Variants in PALS2 observed in about 807,000 individuals in gnomAD.
PALS2 encodes the protein protein PALS2.
Under a neutral mutation model 61.6 loss-of-function variants are expected in PALS2, and 27 were observed. That is an observed-to-expected ratio of 0.44 (90% CI 0.32 to 0.60). PALS2 has a LOEUF of 0.60. Ranked by LOEUF, PALS2 falls within the 20% of genes least tolerant of loss-of-function variation. The pLI, the probability that PALS2 is intolerant of heterozygous loss-of-function variation, is 0.05. For missense variants in PALS2, 554 were observed against 639.4 expected, an observed-to-expected ratio of 0.87 and a Z score of 1.44; for synonymous variants, 236 against 218.6, an observed-to-expected ratio of 1.08 and a Z score of -0.70.
At chr7:24,648,982 T>C (rs1454291520) in intron 3 of PALS2, among the ~76,000 whole-genome samples, 3 of 150,980 alleles carry the variant, frequency 2.0e-5, no homozygotes, top group East Asian at 1.9e-4. Context: ...ATAGTAAGTA[T>C]AGGAGGTAAA....
rs544294181 is a variant in PALS2 at position 24,657,332 on chromosome 7, A to T, written c.652-6258A>T. Among the ~76,000 whole-genome samples the T allele has an allele frequency of 2.0e-5, 3 of 152,362 alleles. No individual in the cohort carries two copies. In the East Asian group the frequency reaches 5.8e-4, roughly 29 times the overall value. ...TATAACAACTTAAATTTCCACCAAC[A>T]TTATATGAAAGTTCCAATTACTCTA... On this transcript the variant is annotated intron_variant, in intron 5 of 11. Coordinates refer to ENST00000222644, the MANE Select transcript of PALS2 (RefSeq NM_001303037.2).
intron 3 of PALS2, among the ~76,000 whole-genome samples, chr7:24,643,003 G>A (rs1471123869): frequency 2.6e-5 from 4 of 152,070 alleles, no homozygotes; most frequent in Non-Finnish European, 5.9e-5. Context: ...ATGGCAGTAC[G>A]TATAGATAGA....
At chr7:24,581,134 G>A (rs1172272279) in intron 1 of PALS2, among the ~76,000 whole-genome samples, 1 of 152,136 alleles carries the variant, frequency 6.6e-6, no homozygotes, top group East Asian at 1.9e-4. Context: ...CTTACTTGTT[G>A]CCTTTTCCAG....
chr7:24,599,630 A>G (rs1363203593), intron 1 of PALS2, among the ~76,000 whole-genome samples: 1 of 148,484 alleles, frequency 6.7e-6, no homozygotes, highest in Non-Finnish European at 1.5e-5. Context: ...CCAGCCTCCC[A>G]AGTAGCTGGG....
intron 2 of PALS2, among the ~76,000 whole-genome samples, chr7:24,632,135 A>G (rs188201154): frequency 6.6e-6 from 1 of 152,208 alleles, no homozygotes; most frequent in South Asian, 2.1e-4. Flanking sequence ...CTTTTGTTAA[A>G]CACACATTCA....
intron 8 of PALS2, among the ~76,000 whole-genome samples, chr7:24,667,400 A>G (rs1054822333): frequency 2.8e-4 from 43 of 152,134 alleles, no homozygotes; most frequent in African/African-American, 9.7e-4. Flanking sequence ...AATCAAACTG[A>G]TAATTGTTGA....
At chr7:24,650,149 A>C (rs1194838942) in intron 4 of PALS2, among the ~76,000 whole-genome samples, 4 of 152,174 alleles carry the variant, frequency 2.6e-5, no homozygotes, top group Non-Finnish European at 4.4e-5. Context: ...GAAGTTTACT[A>C]TTCCTTGGTA....
intron 1 of PALS2, among the ~76,000 whole-genome samples, chr7:24,607,658 T>A (rs1783965595): frequency 1.3e-5 from 2 of 150,344 alleles, no homozygotes; most frequent in Non-Finnish European, 3.0e-5. Context: ...TGTATGCGTA[T>A]GTATACACAC....
In PALS2 at chr7:24,687,109, G is replaced by A. The variant is rs2128038081; in HGVS notation, c.1447-329G>A. The stretch of plus-strand genomic sequence containing the variant: ...CGAAAAGGATGATATAGTGGAGCTG[G>A]AAACCAGTCACCTGCAGTAATTGTT... On this transcript the variant is annotated intron_variant, in intron 11 of 11. Transcript: ENST00000222644. This position sits in a 1 kb window ranked among gnomAD's most constrained non-coding sequence, Gnocchi z 4.5. Among the ~76,000 whole-genome samples the A allele has an allele frequency of 6.6e-6, 1 of 152,274 alleles. No individual in the cohort carries two copies. The highest frequency in any genetic ancestry group is 2.4e-5 in the African/African-American group (1 of 41,550).
intron 1 of PALS2, among the ~76,000 whole-genome samples, chr7:24,591,682 T>C (rs1292291837): frequency 6.6e-6 from 1 of 152,140 alleles, no homozygotes; most frequent in Non-Finnish European, 1.5e-5. Context: ...GTGTTGCTTC[T>C]AGGGGAAATG....
intron 3 of PALS2, among the ~76,000 whole-genome samples, chr7:24,643,024 C>T (rs1052104242): frequency 2.2e-4 from 34 of 152,092 alleles, no homozygotes; most frequent in African/African-American, 8.2e-4. Context: ...AATTTAAAGA[C>T]TTTCAAGTTT....
At chr7:24,629,517 A>G (rs909153017) in intron 2 of PALS2, among the ~76,000 whole-genome samples, 2 of 152,220 alleles carry the variant, frequency 1.3e-5, no homozygotes, top group African/African-American at 4.8e-5. Context: ...TCTGCACAAC[A>G]AAAGAAACTA....
At position 24,600,714 on chromosome 7, in the gene PALS2, GT is replaced by G. The variant is rs1383516098; in HGVS notation, c.-2-22948del. Among the ~76,000 whole-genome samples the G allele has an allele frequency of 2.0e-5, 3 of 152,072 alleles. No individual in the cohort carries two copies. In the East Asian group the frequency reaches 5.8e-4, roughly 29 times the overall value. ...TTAAATTATAGTTTTTACATCTTAC[GT>G]TTTAGTTGAATGTTTTACTGAAATA... is the stretch of plus-strand genomic sequence containing the variant. On this transcript the variant is annotated intron_variant, in intron 1 of 11. Coordinates refer to ENST00000222644, the MANE Select transcript of PALS2 (RefSeq NM_001303037.2).
chr7:24,682,528 T>C (rs1787988851), intron 11 of PALS2, among the ~76,000 whole-genome samples: 1 of 152,210 alleles, frequency 6.6e-6, no homozygotes, highest in African/African-American at 2.4e-5. Context: ...CAGAAACTCT[T>C]TCAAGCCAGG....
At chr7:24,593,878 A>G (rs911174654) in intron 1 of PALS2, among the ~76,000 whole-genome samples, 5 of 152,128 alleles carry the variant, frequency 3.3e-5, no homozygotes, top group African/African-American at 1.2e-4. Context: ...TCAGCTTAAA[A>G]GTCACCACCT....
At chr7:24,612,354 A>G (rs1784145178) in intron 1 of PALS2, among the ~76,000 whole-genome samples, 1 of 151,918 alleles carries the variant, frequency 6.6e-6, no homozygotes. Context: ...TTTACAGTTG[A>G]TAGCAGGTAC....
At chr7:24,583,822 C>G (rs529847321) in intron 1 of PALS2, among the ~76,000 whole-genome samples, 11 of 152,068 alleles carry the variant, frequency 7.2e-5, no homozygotes, top group African/African-American at 2.7e-4. Context: ...TCCCCCGACC[C>G]CACCACAGTC....
At chr7:24,672,235 T>TTTGTC (rs1787335116) in intron 9 of PALS2, among the ~76,000 whole-genome samples, 2 of 151,512 alleles carry the variant, frequency 1.3e-5, no homozygotes, top group East Asian at 3.9e-4. Flanking sequence ...TTTGTTTTGT[T>TTTGTC]TTGTTTTGTT....
At chr7:24,642,037 A>G (rs1240993355) in intron 3 of PALS2, among the ~76,000 whole-genome samples, 169 bp downstream of exon 3, 3 of 152,242 alleles carry the variant, frequency 2.0e-5, no homozygotes, top group Non-Finnish European at 4.4e-5. Context: ...GAGGATATAT[A>G]AAGAGACATA....
Sources: allele counts gnomAD v4.1 joint callset (sites outside exome capture counted in the v4.1 genomes callset), GRCh38; gene constraint gnomAD v4.1.1; non-coding constraint Gnocchi (gnomAD v3.1); transcripts MANE v1.5; gene names NCBI Gene and HGNC (gene_info 2026-07-23, HGNC 2026-07-21).